OTUD7A: variants seen among roughly 807,000 people sequenced by gnomAD.
OTUD7A encodes the protein OTU deubiquitinase 7A, also known as OTU domain-containing protein 7A.
A neutral mutation model predicts 65.7 loss-of-function variants in OTUD7A; 12 were observed. The ratio of observed to expected loss-of-function variants is 0.18; its 90% confidence interval spans 0.12 to 0.30. OTUD7A has a LOEUF of 0.30. Ranked by LOEUF, OTUD7A falls within the 10% of genes least tolerant of loss-of-function variation. The pLI, the probability that OTUD7A is intolerant of heterozygous loss-of-function variation, is 1.00. For synonymous variants in OTUD7A, 641 were observed against 586.3 expected, an observed-to-expected ratio of 1.09 and a Z score of -1.35; for missense variants, 1,148 against 1,304.8, an observed-to-expected ratio of 0.88 and a Z score of 1.85.
At chr15:31,764,089 C>T (rs553867544) in intron 1 of OTUD7A, among the ~76,000 whole-genome samples, 16 of 152,224 alleles carry the variant, frequency 1.1e-4, no homozygotes, top group African/African-American at 3.4e-4. Flanking sequence ...AAATAAAAAG[C>T]AACAGAAATG....
In OTUD7A at chr15:31,528,923, T is replaced by C. The variant is rs149796843; in HGVS notation, c.653-1615A>G. ...GGACAGATTGCTATGAGCTCTGGGC[T>C]TATTGTTGTACAGGGGATTCTTGGA... On this transcript the variant is annotated intron_variant, in intron 6 of 12. Transcript: ENST00000307050. Among the ~76,000 whole-genome samples, 552 of 152,298 alleles carry C rather than the reference T, an allele frequency of 3.6e-3. 2 individuals carry two copies. The highest frequency in any genetic ancestry group is 0.012 in the African/African-American group (512 of 41,552).
chr15:31,773,022 A>G (rs993948493), intron 1 of OTUD7A, among the ~76,000 whole-genome samples: 3 of 152,240 alleles, frequency 2.0e-5, no homozygotes, highest in Non-Finnish European at 4.4e-5. Flanking sequence ...CCTGGCTAAT[A>G]TAATTACAGA....
intron 1 of OTUD7A, among the ~76,000 whole-genome samples, chr15:31,720,914 A>AT (rs1320585261): frequency 6.6e-6 from 1 of 151,034 alleles, no homozygotes; most frequent in East Asian, 2.0e-4. Context: ...TTTACGCTGT[A>AT]TTTTTACTAT....
chr15:31,553,101 C>G (rs972762027), intron 5 of OTUD7A, among the ~76,000 whole-genome samples: 12 of 152,164 alleles, frequency 7.9e-5, no homozygotes, highest in African/African-American at 2.9e-4. Flanking sequence ...CAGTCAAACC[C>G]AGCGGTCAGT....
chr15:31,710,223 CT>C (rs1355023618), intron 1 of OTUD7A, among the ~76,000 whole-genome samples: 1 of 148,968 alleles, frequency 6.7e-6, no homozygotes, highest in Non-Finnish European at 1.5e-5. Context: ...AGACATCTGT[CT>C]TTTTTGTAAT....
chr15:31,542,773 A>C (rs1367698666), intron 5 of OTUD7A, among the ~76,000 whole-genome samples: 1 of 151,750 alleles, frequency 6.6e-6, no homozygotes, highest in Non-Finnish European at 1.5e-5. Flanking sequence ...TCTTCAAAGG[A>C]GTGATAGACT....
At chr15:31,832,251 A>C (rs539837848) in intron 1 of OTUD7A, among the ~76,000 whole-genome samples, 1 of 152,338 alleles carries the variant, frequency 6.6e-6, no homozygotes, top group South Asian at 2.1e-4. Context: ...GGGGAGCCAG[A>C]GAAAACCTAC....
chr15:31,697,231 C>A (rs1361968470), intron 1 of OTUD7A, among the ~76,000 whole-genome samples: 2 of 103,610 alleles, frequency 1.9e-5, no homozygotes, highest in East Asian at 4.3e-4. Flanking sequence ...CCTCCACCTG[C>A]CTCCTTCCCC....
intron 8 of OTUD7A, among the ~76,000 whole-genome samples, chr15:31,510,568 ATATC>A (rs1410112798): frequency 8.8e-6 from 1 of 113,176 alleles, no homozygotes; most frequent in Non-Finnish European, 1.8e-5. Flanking sequence ...ATACATATGT[ATATC>A]TATATGTAAC....
intron 3 of OTUD7A, among the ~76,000 whole-genome samples, chr15:31,576,053 T>G (rs568426931): frequency 1.3e-5 from 2 of 152,296 alleles, no homozygotes; most frequent in Non-Finnish European, 2.9e-5. Context: ...CCAAAATCAC[T>G]AAGCCAAAGG....
intron 1 of OTUD7A, among the ~76,000 whole-genome samples, chr15:31,709,720 G>A (rs1893390919): frequency 6.6e-6 from 1 of 151,668 alleles, no homozygotes. Context: ...TCTGTGTGTG[G>A]TGGTTCTATA....
chr15:31,633,740 C>G (rs569102531), intron 3 of OTUD7A, among the ~76,000 whole-genome samples: 5 of 152,302 alleles, frequency 3.3e-5, no homozygotes, highest in African/African-American at 1.2e-4. Flanking sequence ...CAACGAATTA[C>G]AACTCCTTGT....
chr15:31,829,672 T>C (rs1896883947), intron 1 of OTUD7A, among the ~76,000 whole-genome samples: 1 of 152,176 alleles, frequency 6.6e-6, no homozygotes. Context: ...ACCTCCCCCT[T>C]TCAGTTCTGA....
Position 31,808,140 on chromosome 15 carries a change from C to CACACACACACACACAA in OTUD7A, c.-100+62366_-100+62367insTTGTGTGTGTGTGTGT, listed in dbSNP as rs1272100227. 3.2e-4 allele frequency among the ~76,000 whole-genome samples: 45 copies of CACACACACACACACAA among 140,294 alleles called. 1 individual carries two copies. Among genetic ancestry groups the CACACACACACACACAA allele is most frequent in the African/African-American group, 5.3e-4 (20 of 37,810 alleles). 92.0% of individuals were successfully genotyped at this position (140,294 alleles called of 152,430 possible). On this transcript the variant is annotated intron_variant, in intron 1 of 12. Transcript: ENST00000307050. ...ACACACACACACACACACACACAAA[C>CACACACACACACACAA]AAATCCTCACCAGGTTTTTCCTTCA...
intron 1 of OTUD7A, among the ~76,000 whole-genome samples, chr15:31,773,498 T>C (rs183613470): frequency 6.6e-6 from 1 of 152,318 alleles, no homozygotes; most frequent in East Asian, 1.9e-4. Flanking sequence ...ACTAATCTCA[T>C]TCATGAGGGA....
chr15:31,666,219 G>A (rs1002914618), intron 1 of OTUD7A, among the ~76,000 whole-genome samples: 17 of 151,318 alleles, frequency 1.1e-4, no homozygotes, highest in African/African-American at 3.4e-4. Context: ...GTGGAATAGC[G>A]TCGAATTCTG....
intron 1 of OTUD7A, among the ~76,000 whole-genome samples, chr15:31,747,607 TAAGTA>T (rs1894515271): frequency 6.6e-6 from 1 of 152,126 alleles, no homozygotes; most frequent in Non-Finnish European, 1.5e-5. Flanking sequence ...AATAGATGAT[TAAGTA>T]AATGGAGAAG....
intron 5 of OTUD7A, 129 bp from the exon 6 acceptor site, chr15:31,530,937 G>T: frequency 1.7e-6 from 1 of 588,706 alleles, no homozygotes; most frequent in Non-Finnish European, 2.9e-6. Flanking sequence ...GAACATTATG[G>T]CTACTTCTCT....
intron 1 of OTUD7A, among the ~76,000 whole-genome samples, chr15:31,852,954 C>G (rs1897468111): frequency 6.6e-6 from 1 of 152,166 alleles, no homozygotes; most frequent in South Asian, 2.1e-4. Context: ...AGGCAGTATA[C>G]AGGGACAGGC....
Sources: gnomAD v4.1 joint callset for allele counts (sites outside exome capture counted in the v4.1 genomes callset) on GRCh38, gnomAD v4.1.1 for gene constraint, MANE v1.5 for transcripts, NCBI Gene and HGNC (gene_info 2026-07-23, HGNC 2026-07-21) for gene names.